The following ROR2 variants were observed in gnomAD, a reference collection of about 807,000 sequenced individuals.
ROR2 encodes the protein tyrosine-protein kinase transmembrane receptor ROR2.
A neutral mutation model predicts 74.9 loss-of-function variants in ROR2; 33 were observed. The ratio of observed to expected loss-of-function variants is 0.44; its 90% CI spans 0.33 to 0.59. The LOEUF is 0.59. Among genes scored for constraint, ROR2 ranks in the 20% least tolerant of loss-of-function variants. The pLI, the probability that ROR2 is intolerant of heterozygous loss-of-function variation, is 0.02. For synonymous variants in ROR2, 586 were observed against 558.7 expected (o/e 1.05, Z -0.69); for missense variants, 1,216 against 1,313.8 (o/e 0.93, Z 1.15).
intron 2 of ROR2, among the ~76,000 whole-genome samples, chr9:91,758,741 C>T (rs759377164): frequency 6.6e-6 from 1 of 152,130 alleles, no homozygotes; most frequent in Non-Finnish European, 1.5e-5. Flanking sequence ...CTACAGGGAA[C>T]AAGGGGAAGT....
At chr9:91,882,201 G>T (rs887663817) in intron 1 of ROR2, among the ~76,000 whole-genome samples, 39 of 152,022 alleles carry the variant, frequency 2.6e-4, no homozygotes, top group African/African-American at 8.0e-4. Flanking sequence ...CTTGAGGTCA[G>T]GAGTTTGAGA....
At position 91,724,073 on chromosome 9, in the gene ROR2, C is replaced by T. The variant is rs947970454; in HGVS notation, c.2421G>A (p.Gln807=). The change falls in exon 9 of 9, where the codon CAG becomes CAA. Residue 807 remains glutamine (Q), a synonymous_variant. Transcript: ENST00000375708. ...PQPQFIPMKG[Q]IRPMVPPPQL... ...GCGGCGGGGGCACCATGGGTCTGAT[C>T]TGGCCCTTCATGGGGATGAACTGGG... is the stretch of plus-strand genomic sequence containing the variant. The T allele has an allele frequency of 2.5e-6, 4 of 1,610,884 alleles. No homozygotes were observed. Among genetic ancestry groups the T allele is most frequent in the Non-Finnish European group, 1.7e-6 (2 of 1,179,784 alleles).
At position 91,755,384 on chromosome 9, in the gene ROR2, TG is replaced by T. The variant is rs1195147328; in HGVS notation, c.494+686del. Among the ~76,000 whole-genome samples, 11 of 152,316 alleles carry T rather than the reference TG, an allele frequency of 7.2e-5. No homozygotes were observed. The East Asian group carries it at 1.7e-3, about 24-fold the overall frequency. ...GTGAAGCACTGCTCTCCAATATGTC[TG>T]AGGAGGAAATGCAGGAAACCCGGAC... On this transcript the variant is annotated intron_variant, in intron 4 of 8. Coordinates refer to ENST00000375708, the MANE Select transcript of ROR2 (RefSeq NM_004560.4).
At chr9:91,783,955 C>T (rs1826709291) in intron 1 of ROR2, among the ~76,000 whole-genome samples, 1 of 152,152 alleles carries the variant, frequency 6.6e-6, no homozygotes, top group African/African-American at 2.4e-5. Flanking sequence ...TCCATCCTGA[C>T]TCCTTGAGGG....
At chr9:91,779,654 AGCCACCGT>A (rs566732755) in intron 1 of ROR2, among the ~76,000 whole-genome samples, 86 of 152,228 alleles carry the variant, frequency 5.6e-4, no homozygotes, top group Admixed American at 4.4e-3. Context: ...TACAGGCATG[AGCCACCGT>A]GCCACCGTGC....
intron 1 of ROR2, among the ~76,000 whole-genome samples, chr9:91,945,065 G>A (rs1831978518): frequency 6.7e-6 from 1 of 149,958 alleles, no homozygotes. Flanking sequence ...GGGTGACAGA[G>A]CAAGACCTTA....
rs574246390 is a variant in ROR2, at chr9:91,757,645, C to T, written c.176-86G>A. On this transcript the variant is annotated intron_variant, in intron 2 of 8. Transcript: ENST00000375708. ...CTGGGGGCTCTGCTATGAACTCTTC[C>T]AAGGGAAGGTTTCGATTTTTGTCAC... The T allele has an allele frequency of 1.8e-4, 271 of 1,497,124 alleles. 1 individual carries two copies. In the African/African-American group the frequency reaches 3.5e-3, roughly 19 times the overall value. The allele number at this position is 1,497,124 out of a possible 1,614,324, so 92.7% of individuals were successfully genotyped here. A position where few individuals can be genotyped will look rare whatever the true frequency, so the allele number is the denominator to read the frequency against.
At chr9:91,878,848 C>A (rs1325321179) in intron 1 of ROR2, among the ~76,000 whole-genome samples, 1 of 152,094 alleles carries the variant, frequency 6.6e-6, no homozygotes, top group Non-Finnish European at 1.5e-5. Context: ...GAGGCCGAGA[C>A]GGGCAGATCA....
intron 1 of ROR2, among the ~76,000 whole-genome samples, chr9:91,787,754 A>C (rs1258502551): frequency 1.3e-5 from 2 of 152,194 alleles, no homozygotes; most frequent in Non-Finnish European, 1.5e-5. Flanking sequence ...TTAACAGAGA[A>C]TCACAAGACA....
At chr9:91,794,851 G>T (rs959897374) in intron 1 of ROR2, among the ~76,000 whole-genome samples, 1 of 152,164 alleles carries the variant, frequency 6.6e-6, no homozygotes, top group African/African-American at 2.4e-5. Context: ...GCCAGGCGCA[G>T]TGGCTCATAC....
At chr9:91,835,738 G>A (rs921794982) in intron 1 of ROR2, among the ~76,000 whole-genome samples, 2 of 152,218 alleles carry the variant, frequency 1.3e-5, no homozygotes, top group African/African-American at 2.4e-5. Flanking sequence ...TGCAGCTGCA[G>A]GAGGCGGAAG....
In ROR2 at chr9:91,833,378, C is replaced by T. The variant is rs188742239; in HGVS notation, c.98-57560G>A. ...CATGCCGAGTGCACTGTGCCTGTAT[C>T]GTGACTCCCAGCTTTGCCCCAACCG... On this transcript the variant is annotated intron_variant, in intron 1 of 8. Transcript: ENST00000375708. Among the ~76,000 whole-genome samples the T allele has an allele frequency of 8.5e-5, 13 of 152,262 alleles. 1 individual carries two copies. The East Asian group carries it at 2.5e-3, about 30-fold the overall frequency.
At chr9:91,944,075 T>C (rs1831949427) in intron 1 of ROR2, among the ~76,000 whole-genome samples, 2 of 152,172 alleles carry the variant, frequency 1.3e-5, no homozygotes, top group Admixed American at 1.3e-4. Context: ...GGGAAATGTG[T>C]CCCTGGGCAA....
chr9:91,787,071 C>T (rs1587718270), intron 1 of ROR2, among the ~76,000 whole-genome samples: 1 of 152,168 alleles, frequency 6.6e-6, no homozygotes, highest in East Asian at 1.9e-4. Flanking sequence ...AGCTGGACAG[C>T]ATGTCATCTC....
chr9:91,733,538 G>T lies in ROR2; in HGVS notation c.623-102C>A, dbSNP rs867285796. 144 of 1,239,436 alleles carry T rather than the reference G, an allele frequency of 1.2e-4. 1 individual carries two copies. The Middle Eastern group carries it at 3.1e-3, about 27-fold the overall frequency. The allele number at this position is 1,239,436 out of a possible 1,614,324, so 76.8% of individuals were successfully genotyped here. On this transcript the variant is annotated intron_variant, in intron 5 of 8. Transcript: ENST00000375708. This position sits in a 1 kb window ranked among gnomAD's most constrained non-coding sequence, Gnocchi z 5.7. Reference sequence around the variant, plus strand: ...CCTGGCATCCCAGACTGCCCACTCAGCCCCCTGATGCCCCGCCCCGCCCCA... The same window carrying T: ...CCTGGCATCCCAGACTGCCCACTCATCCCCCTGATGCCCCGCCCCGCCCCA...
At chr9:91,761,412 G>A (rs1313629480) in intron 2 of ROR2, among the ~76,000 whole-genome samples, 4 of 152,080 alleles carry the variant, frequency 2.6e-5, no homozygotes, top group African/African-American at 9.7e-5. Context: ...CCTGCAACTA[G>A]TAGTCCCGTC....
intron 1 of ROR2, among the ~76,000 whole-genome samples, chr9:91,868,016 C>T (rs1189967390): frequency 6.6e-6 from 1 of 152,034 alleles, no homozygotes; most frequent in Non-Finnish European, 1.5e-5. Flanking sequence ...TACAAAGAAC[C>T]AGGAAAATCT....
intron 1 of ROR2, among the ~76,000 whole-genome samples, chr9:91,925,955 C>T (rs1000139882): frequency 2.6e-5 from 4 of 152,180 alleles, no homozygotes; most frequent in Admixed American, 1.3e-4. Flanking sequence ...CTTAAGAAGA[C>T]ATCCTAGGCC....
At chr9:91,755,148 G>GTCTA (rs1825705148) in intron 4 of ROR2, among the ~76,000 whole-genome samples, 1 of 149,770 alleles carries the variant, frequency 6.7e-6, no homozygotes. Context: ...AGCCAGGCCT[G>GTCTA]TCTATTTGGG....
Sources: gnomAD v4.1 joint callset for allele counts (sites outside exome capture counted in the v4.1 genomes callset) on GRCh38, gnomAD v4.1.1 for gene constraint, Gnocchi (gnomAD v3.1) non-coding constraint, MANE v1.5 for transcripts, NCBI Gene and HGNC (gene_info 2026-07-23, HGNC 2026-07-21) for gene names.